Variants in DHODH observed in about 807,000 individuals in gnomAD.
DHODH encodes the protein dihydroorotate dehydrogenase (quinone).
A neutral mutation model predicts 39.7 loss-of-function variants in DHODH; 30 were observed. That is an observed-to-expected ratio of 0.76 (90% CI 0.57 to 1.02). The LOEUF is 1.02. Ranked by LOEUF, DHODH falls within the 50% of genes least tolerant of loss-of-function variation. The pLI is 0.00. For missense variants in DHODH, 531 were observed against 520.8 expected (o/e 1.02, Z -0.19); for synonymous variants, 222 against 213.8 (o/e 1.04, Z -0.34).
In DHODH at chr16:72,022,480, G is replaced by A. The variant is rs775644816; in HGVS notation, c.819+5G>A. 3 of 1,549,718 alleles carry A rather than the reference G, an allele frequency of 1.9e-6. No homozygotes were observed. Among genetic ancestry groups the A allele is most frequent in the Non-Finnish European group, 2.6e-6 (3 of 1,146,746 alleles). ...ATTGCCAGTGTGGTCAAAGAGGTTT[G>A]AGTCGGGGCCTGGGCCCAGGGTGTG... is the stretch of plus-strand genomic sequence containing the variant. On this transcript the variant is annotated splice_donor_5th_base_variant and intron_variant, in intron 6 of 8. Coordinates refer to ENST00000219240, the MANE Select transcript of DHODH (RefSeq NM_001361.5).
Position 72,021,110 on chromosome 16 carries a change from A to G in DHODH, c.518-14A>G. The G allele has an allele frequency of 1.3e-6, 2 of 1,597,732 alleles. No individual in the cohort carries two copies. The highest frequency in any genetic ancestry group is 8.5e-7 in the Non-Finnish European group (1 of 1,171,770). ...GGGTGTGCGGGGTGCAGGCCTGACC[A>G]GCGATGTTTGCAGATGGACTGCCTC... On this transcript the variant is annotated splice_polypyrimidine_tract_variant and intron_variant, in intron 4 of 8. Transcript: ENST00000219240.
chr16:72,021,143 C>A lies in DHODH; in HGVS notation c.537C>A (p.Val179=). 6.2e-7 allele frequency: 1 copy of A among 1,608,110 alleles called. No individual in the cohort carries two copies. The highest frequency in any genetic ancestry group is 8.5e-7 in the Non-Finnish European group (1 of 1,177,260). ...KLTEDGLPLG[V]NLGKNKTSVD... is the part of the protein sequence containing the mutation. ...TTGCAGATGGACTGCCTCTGGGGGT[C>A]AACTTGGGGAAGAACAAGACCTCAG... The change falls in exon 5 of 9, where the codon GTC becomes GTA. Residue 179 remains valine, a synonymous_variant. Coordinates refer to ENST00000219240, the MANE Select transcript of DHODH (RefSeq NM_001361.5).
Position 72,022,430 on chromosome 16 carries a change from C to G in DHODH, c.774C>G (p.Asp258Glu). The change falls in exon 6 of 9, where the codon GAC becomes GAG. Residue 258 changes from aspartate (D) to glutamate (E), a missense_variant. Transcript: ENST00000219240. ...RPAVLVKIAP[D>E]LTSQDKEDIA... is the part of the protein sequence containing the mutation. ...CAGTCCTGGTGAAGATCGCTCCTGA[C>G]CTCACCAGCCAGGATAAGGAGGACA... 6.4e-7 allele frequency: 1 copy of G among 1,557,352 alleles called. No homozygotes were observed. Among genetic ancestry groups the G allele is most frequent in the Non-Finnish European group, 8.7e-7 (1 of 1,150,250 alleles).
chr16:72,011,495 G>A (rs1335481094), intron 1 of DHODH, among the ~76,000 whole-genome samples: 2 of 152,238 alleles, frequency 1.3e-5, no homozygotes, highest in Non-Finnish European at 2.9e-5. Context: ...GCTGGGCTTG[G>A]TGGCATGTGC....
In DHODH at chr16:72,021,055, A is replaced by G. The variant is rs559542296; in HGVS notation, c.518-69A>G. 8.0e-6 allele frequency: 12 copies of G among 1,495,136 alleles called. No individual in the cohort carries two copies. In the African/African-American group the frequency reaches 1.4e-4, roughly 17 times the overall value. 92.6% of individuals were successfully genotyped at this position (1,495,136 alleles called of 1,614,324 possible). A position where few individuals can be genotyped will look rare whatever the true frequency, so the allele number is the denominator to read the frequency against. ...GCGGCTGTCCACAGGTGGTTTGGTC[A>G]AGGGCAGCCTCAGAAGGTGGCACAG... On this transcript the variant is annotated intron_variant, in intron 4 of 8. Coordinates refer to ENST00000219240, the MANE Select transcript of DHODH (RefSeq NM_001361.5).
At chr16:72,023,412 T>TG (rs1209862048) in intron 7 of DHODH, 62 bp from the exon 8 acceptor site, 2 of 1,613,782 alleles carry the variant, frequency 1.2e-6, no homozygotes, top group Non-Finnish European at 1.7e-6. Context: ...GTCTTGATTG[T>TG]GGGGGACTCT....
intron 1 of DHODH, among the ~76,000 whole-genome samples, chr16:72,011,782 T>C (rs1028250031): frequency 2.6e-5 from 4 of 152,206 alleles, no homozygotes; most frequent in Non-Finnish European, 5.9e-5. Flanking sequence ...CCAGTAGCAG[T>C]GTCCACCACG....
chr16:72,020,371 A>ATATATATATGTATATATATATATATAT (rs1455738856), intron 4 of DHODH: 1 of 89,114 alleles, frequency 1.1e-5, no homozygotes, highest in African/African-American at 5.2e-5. Flanking sequence ...ATATATATAT[A>ATATATATATGTATATATATATATATAT]TTTTTTTTTT....
Position 72,017,770 on chromosome 16 carries a change from C to CTTTTTTTTTTTTTTTTTTT in DHODH, c.517+682_517+683insTTTTTTTTTTTTTTTTTTT, listed in dbSNP as rs71153696. Among the ~76,000 whole-genome samples the CTTTTTTTTTTTTTTTTTTT allele has an allele frequency of 3.0e-4, 31 of 103,804 alleles. 3 individuals carry two copies. Among genetic ancestry groups the CTTTTTTTTTTTTTTTTTTT allele is most frequent in the African/African-American group, 4.0e-4 (9 of 22,706 alleles). 68.1% of individuals were successfully genotyped at this position (103,804 alleles called of 152,430 possible). On this transcript the variant is annotated intron_variant, in intron 4 of 8. Transcript: ENST00000219240. The stretch of plus-strand genomic sequence containing the variant: ...CTCTAAAAAAACCAAAAACAACATG[C>CTTTTTTTTTTTTTTTTTTT]TTTTTTTTTTTTTTTTTTGAGACGG...
intron 4 of DHODH, chr16:72,020,453 T>G (rs1303576739): frequency 6.6e-6 from 1 of 150,578 alleles, no homozygotes; most frequent in Non-Finnish European, 1.5e-5. Flanking sequence ...CACGGTTCAT[T>G]GGAGCCTCAA....
At chr16:72,009,757 GGCGCGC>G (rs1421929971) in intron 1 of DHODH, among the ~76,000 whole-genome samples, 1 of 151,836 alleles carries the variant, frequency 6.6e-6, no homozygotes, top group Non-Finnish European at 1.5e-5. Context: ...TGAGATTACA[GGCGCGC>G]GCCACCACGA....
intron 1 of DHODH, among the ~76,000 whole-genome samples, chr16:72,009,567 T>C (rs1459276814): frequency 7.6e-6 from 1 of 131,474 alleles, no homozygotes; most frequent in Non-Finnish European, 1.6e-5. Flanking sequence ...ATTGACATGG[T>C]GGGGGGGAGT....
intron 5 of DHODH, 52 bp from the exon 6 acceptor site, chr16:72,022,310 C>G (rs1387234603): frequency 2.5e-5 from 35 of 1,377,590 alleles, no homozygotes; most frequent in Non-Finnish European, 3.5e-5. Flanking sequence ...CACAGCTGCA[C>G]TGCAGGGCTG....
intron 1 of DHODH, chr16:72,009,123 T>G: frequency 8.0e-7 from 1 of 1,253,632 alleles, no homozygotes; most frequent in East Asian, 3.9e-5. Context: ...GAAACTAGAG[T>G]AGGACATGCT....
At chr16:72,008,853 G>C (rs2041049290) in intron 1 of DHODH, 68 bp downstream of exon 1, 1 of 1,551,436 alleles carries the variant, frequency 6.4e-7, no homozygotes, top group Non-Finnish European at 8.7e-7. Context: ...CGGAGAGTCA[G>C]GCCGGGCGAG....
intron 1 of DHODH, among the ~76,000 whole-genome samples, chr16:72,009,333 C>A (rs2041056081): frequency 6.6e-6 from 1 of 150,454 alleles, no homozygotes; most frequent in Non-Finnish European, 1.5e-5. Flanking sequence ...GAAACCCCGT[C>A]TCTACTAAAA....
chr16:72,027,498 A>T lies in DHODH; in HGVS notation c.*3299A>T, dbSNP rs2041286266. On this transcript the variant is annotated 3_prime_UTR_variant, in exon 9 of 9. Coordinates refer to ENST00000219240, the MANE Select transcript of DHODH (RefSeq NM_001361.5). ...CACCAGAGCAGCTCTCAATGCTGGG[A>T]ATCCTGGGAGACTGATGATGACCGC... is the stretch of plus-strand genomic sequence containing the variant. The T allele has an allele frequency of 6.6e-6, 1 of 152,202 alleles. No individual in the cohort carries two copies. Among genetic ancestry groups the T allele is most frequent in the South Asian group, 2.1e-4 (1 of 4,826 alleles). 9.4% of individuals were successfully genotyped at this position (152,202 alleles called of 1,614,324 possible). A position where few individuals can be genotyped will look rare whatever the true frequency, so the allele number is the denominator to read the frequency against.
At chr16:72,021,012 T>G in intron 4 of DHODH, 112 bp from the exon 5 acceptor site, 3 of 1,144,850 alleles carry the variant, frequency 2.6e-6, no homozygotes, top group Non-Finnish European at 2.5e-6. Context: ...GCAGGTCAGG[T>G]TTGGAGGGAA....
chr16:72,026,959 T>TAG lies in DHODH; in HGVS notation c.*2760_*2761insAG, dbSNP rs2041280878. 9.6e-5 allele frequency: 2 copies of TAG among 20,924 alleles called. No homozygotes were observed. Among genetic ancestry groups the TAG allele is most frequent in the Non-Finnish European group, 2.0e-4 (2 of 10,218 alleles). The allele number at this position is 20,924 out of a possible 1,614,324, so 1.3% of individuals were successfully genotyped here. A position where few individuals can be genotyped will look rare whatever the true frequency, so the allele number is the denominator to read the frequency against. On this transcript the variant is annotated 3_prime_UTR_variant, in exon 9 of 9. Transcript: ENST00000219240. Reference sequence around the variant, plus strand: ...GTGCCCACTACCACACCCAGCTAATTTGTGTGTGTGTGTGTGTGTGTGTGT... The same window carrying TAG: ...GTGCCCACTACCACACCCAGCTAATTAGTGTGTGTGTGTGTGTGTGTGTGTGT...
Sources: allele counts gnomAD v4.1 joint callset (sites outside exome capture counted in the v4.1 genomes callset), GRCh38; gene constraint gnomAD v4.1.1; transcripts MANE v1.5; gene names NCBI Gene and HGNC (gene_info 2026-07-23, HGNC 2026-07-21).